ROBO1: variants seen among roughly 807,000 people sequenced by gnomAD.
ROBO1 encodes roundabout guidance receptor 1.
ROBO1 carries 149 observed loss-of-function variants against 195.9 expected under a neutral mutation model. The ratio of observed to expected loss-of-function variants is 0.76; its 90% CI spans 0.67 to 0.87. The LOEUF (loss-of-function observed/expected upper bound fraction) is 0.87, where lower values mean the gene tolerates loss of function less well. Among genes scored for constraint, ROBO1 ranks in the 40% least tolerant of loss-of-function variants. The pLI is 0.00. For synonymous variants in ROBO1, 816 were observed against 733.2 expected (o/e 1.11, Z -1.82); for missense variants, 1,933 against 2,068.3 (o/e 0.93, Z 1.27).
At chr3:79,571,164 A>C (rs1216658591) in intron 2 of ROBO1, among the ~76,000 whole-genome samples, 3 of 152,120 alleles carry the variant, frequency 2.0e-5, no homozygotes, top group African/African-American at 7.2e-5. Flanking sequence ...GCCATTATTC[A>C]GAAGATTAGA....
chr3:78,800,206 A>G (rs1441531210), intron 4 of ROBO1, among the ~76,000 whole-genome samples: 3 of 152,108 alleles, frequency 2.0e-5, no homozygotes, highest in Non-Finnish European at 4.4e-5. Flanking sequence ...AAAATTCTGC[A>G]TATTTGGGGG....
At chr3:79,457,143 G>A (rs750857017) in intron 2 of ROBO1, among the ~76,000 whole-genome samples, 8 of 152,152 alleles carry the variant, frequency 5.3e-5, no homozygotes, top group Non-Finnish European at 1.2e-4. Context: ...TGATTTTACT[G>A]ATGACATTCA....
chr3:79,659,221 A>G lies in ROBO1; in HGVS notation c.-50-69260T>C, dbSNP rs115611366. Among the ~76,000 whole-genome samples the G allele has an allele frequency of 7.2e-3, 1,098 of 152,218 alleles. 3 individuals are homozygous for G. Among genetic ancestry groups the G allele is most frequent in the Non-Finnish European group, 0.013 (853 of 67,994 alleles). On this transcript the variant is annotated intron_variant, in intron 1 of 30. Coordinates refer to ENST00000464233, the MANE Select transcript of ROBO1 (RefSeq NM_002941.4). Reference sequence around the variant, plus strand: ...AGACTAAAATATGCAACTAAACATGATGCTTAAAAATTATTGAGATTTCAA... The same window carrying G: ...AGACTAAAATATGCAACTAAACATGGTGCTTAAAAATTATTGAGATTTCAA...
In ROBO1 at chr3:78,685,830, G is replaced by T. The variant is rs763529544; in HGVS notation, c.1258C>A (p.Arg420=). 2 of 1,611,450 alleles carry T rather than the reference G, an allele frequency of 1.2e-6. No individual in the cohort carries two copies. Among genetic ancestry groups the T allele is most frequent in the Admixed American group, 1.7e-5 (1 of 59,826 alleles). The change falls in exon 10 of 31, where the codon CGA becomes AGA. Residue 420 remains arginine (R), a synonymous_variant. Coordinates refer to ENST00000464233, the MANE Select transcript of ROBO1 (RefSeq NM_002941.4). ...TGDLTITNVQ[R]SDVGYYICQT... is the part of the protein sequence containing the mutation. ...CAGATGTAATAACCAACATCAGATC[G>T]CTGGACATTAGTAATTGTGAGGTCG...
intron 1 of ROBO1, among the ~76,000 whole-genome samples, chr3:79,736,253 CAGGCTACTG>C (rs1333530889): frequency 6.6e-6 from 1 of 152,124 alleles, no homozygotes. Flanking sequence ...GGATAGAGAG[CAGGCTACTG>C]AGGCTGAAAC....
chr3:79,030,997 C>T (rs1001474194), intron 3 of ROBO1, among the ~76,000 whole-genome samples: 5 of 152,234 alleles, frequency 3.3e-5, no homozygotes, highest in African/African-American at 1.2e-4. Flanking sequence ...GCTGGGATTA[C>T]AGGCGTGAGC....
intron 2 of ROBO1, among the ~76,000 whole-genome samples, chr3:79,422,040 G>T (rs191886619): frequency 1.2e-3 from 186 of 149,480 alleles, no homozygotes; most frequent in Admixed American, 2.7e-3. Context: ...TGTGACCAAT[G>T]AGTTAAAATG....
At chr3:78,823,229 G>T (rs1376365512) in intron 4 of ROBO1, among the ~76,000 whole-genome samples, 1 of 149,248 alleles carries the variant, frequency 6.7e-6, no homozygotes, top group African/African-American at 2.5e-5. Context: ...TCAGCTCTTG[G>T]GATGCTCTTC....
At chr3:79,405,924 T>C (rs1050706953) in intron 2 of ROBO1, among the ~76,000 whole-genome samples, 5 of 152,166 alleles carry the variant, frequency 3.3e-5, no homozygotes, top group East Asian at 1.9e-4. Context: ...AAAAACTGTT[T>C]TGCAGTATTA....
intron 4 of ROBO1, among the ~76,000 whole-genome samples, chr3:78,803,415 C>A (rs1208412622): frequency 6.6e-6 from 1 of 152,006 alleles, no homozygotes; most frequent in East Asian, 1.9e-4. Context: ...AATGGGGAAA[C>A]AAGTTATAAT....
chr3:79,469,872 C>T (rs1207903951), intron 2 of ROBO1, among the ~76,000 whole-genome samples: 8 of 152,000 alleles, frequency 5.3e-5, no homozygotes, highest in Non-Finnish European at 1.2e-4. Flanking sequence ...GTACCAGGAT[C>T]GAAGCCAACT....
At chr3:79,331,855 A>G (rs2034451930) in intron 2 of ROBO1, among the ~76,000 whole-genome samples, 1 of 152,176 alleles carries the variant, frequency 6.6e-6, no homozygotes, top group South Asian at 2.1e-4. Context: ...TAAGAATGTG[A>G]CTTTAGGTCG....
In ROBO1 at chr3:79,161,452, T is replaced by A. The variant is rs11922966; in HGVS notation, c.89-35913A>T. Among the ~76,000 whole-genome samples, 1,362 of 152,160 alleles carry A rather than the reference T, an allele frequency of 9.0e-3. 21 individuals carry two copies. Among genetic ancestry groups the A allele is most frequent in the African/African-American group, 0.031 (1,286 of 41,526 alleles). ...AGGGGACCAGAAGAAAACCAAATAA[T>A]AGCCTATGCACTTGAGTAGAGGATA... is the stretch of plus-strand genomic sequence containing the variant. On this transcript the variant is annotated intron_variant, in intron 2 of 30. Transcript: ENST00000464233.
intron 2 of ROBO1, among the ~76,000 whole-genome samples, chr3:79,165,292 T>A (rs1051915107): frequency 6.6e-6 from 1 of 152,220 alleles, no homozygotes; most frequent in Non-Finnish European, 1.5e-5. Flanking sequence ...TCTGTACATG[T>A]AGATATCAGG....
chr3:78,988,076 C>T (rs1250305777), intron 3 of ROBO1, among the ~76,000 whole-genome samples: 1 of 152,130 alleles, frequency 6.6e-6, no homozygotes, highest in African/African-American at 2.4e-5. Flanking sequence ...GCAATGTCTT[C>T]TTTAGCATCA....
chr3:78,646,118 T>C, intron 21 of ROBO1, 30 bp downstream of exon 21: 1 of 1,588,462 alleles, frequency 6.3e-7, no homozygotes, highest in Non-Finnish European at 8.6e-7. Flanking sequence ...GAATTCCCTG[T>C]AGGATCTACA....
chr3:79,489,823 C>A lies in ROBO1; in HGVS notation c.88+100001G>T, dbSNP rs1013212436. Among the ~76,000 whole-genome samples the A allele has an allele frequency of 7.8e-4, 119 of 152,210 alleles. 2 individuals are homozygous for A. Among genetic ancestry groups the A allele is most frequent in the Non-Finnish European group, 2.1e-4 (14 of 68,014 alleles). ...ATTAGCAACATATTTTCCTCACCCA[C>A]CATTTTCCCAAGTCAGCAATCCCAG... On this transcript the variant is annotated intron_variant, in intron 2 of 30. Transcript: ENST00000464233.
chr3:78,672,815 T>TATTA (rs1391123327), intron 10 of ROBO1, among the ~76,000 whole-genome samples: 4 of 152,238 alleles, frequency 2.6e-5, no homozygotes, highest in African/African-American at 9.6e-5. Flanking sequence ...CTGTTGGAAT[T>TATTA]ATTAGAATGA....
chr3:78,661,982 TAAC>T lies in ROBO1; in HGVS notation c.2088+8_2088+10del. 6.2e-7 allele frequency: 1 copy of T among 1,605,110 alleles called. No homozygotes were observed. The highest frequency in any genetic ancestry group is 8.5e-7 in the Non-Finnish European group (1 of 1,176,350). On this transcript the variant is annotated splice_region_variant and intron_variant, in intron 15 of 30. Transcript: ENST00000464233. ...TTATTAAAACTGAGATCAAATATTG[TAAC>T]AACTCACTGTCCAGTGCACTTCGAT...
Sources: gnomAD v4.1 joint callset for allele counts (sites outside exome capture counted in the v4.1 genomes callset) on GRCh38, gnomAD v4.1.1 for gene constraint, MANE v1.5 for transcripts, NCBI Gene and HGNC (gene_info 2026-07-23, HGNC 2026-07-21) for gene names.